The following LIN52 variants were observed in gnomAD, a reference collection of about 807,000 sequenced individuals.
The protein encoded by LIN52 is protein lin-52 homolog.
A neutral mutation model predicts 18.5 loss-of-function variants in LIN52; 4 were observed. That is an observed-to-expected ratio of 0.22 (90% confidence interval 0.11 to 0.49). The LOEUF (loss-of-function observed/expected upper bound fraction) is 0.49. LIN52 is among the 20% of genes least tolerant of loss of function. LIN52 has a pLI of 0.97. For synonymous variants in LIN52, 34 were observed against 45.5 expected, an observed-to-expected ratio of 0.75 and a Z score of 1.02; for missense variants, 102 against 139.5, an observed-to-expected ratio of 0.73 and a Z score of 1.35.
intron 5 of LIN52, among the ~76,000 whole-genome samples, chr14:74,169,453 C>T (rs2061262197): frequency 1.3e-5 from 2 of 152,136 alleles, no homozygotes; most frequent in Admixed American, 1.3e-4. Context: ...GTTTTTTCCC[C>T]TCTCTCCAGC....
chr14:74,149,577 C>T (rs532963006), intron 5 of LIN52, among the ~76,000 whole-genome samples: 7 of 152,054 alleles, frequency 4.6e-5, no homozygotes, highest in East Asian at 1.9e-4. Context: ...ATAGTAATTC[C>T]GATTCAATTC....
chr14:74,154,119 T>C (rs1194661218), intron 5 of LIN52, among the ~76,000 whole-genome samples: 1 of 151,834 alleles, frequency 6.6e-6, no homozygotes, highest in African/African-American at 2.4e-5. Context: ...TTTTCCTTAA[T>C]GTTTTTTTTT....
chr14:74,144,398 A>T (rs1325468444), intron 5 of LIN52, among the ~76,000 whole-genome samples: 1 of 152,026 alleles, frequency 6.6e-6, no homozygotes, highest in Non-Finnish European at 1.5e-5. Flanking sequence ...AAAGGCAGGG[A>T]TTACAGATGT....
At chr14:74,169,953 A>G (rs1385275252) in intron 5 of LIN52, among the ~76,000 whole-genome samples, 1 of 152,182 alleles carries the variant, frequency 6.6e-6, no homozygotes, top group African/African-American at 2.4e-5. Context: ...GAAAAGCTTC[A>G]CAGAAGAGAC....
At chr14:74,109,106 C>T (rs960724176) in intron 5 of LIN52, among the ~76,000 whole-genome samples, 4 of 152,116 alleles carry the variant, frequency 2.6e-5, no homozygotes, top group African/African-American at 4.8e-5. Flanking sequence ...TTAATTCTTT[C>T]GCATGTGGAT....
intron 1 of LIN52, among the ~76,000 whole-genome samples, chr14:74,087,867 A>G (rs1221227638): frequency 2.0e-5 from 3 of 152,314 alleles, no homozygotes; most frequent in South Asian, 4.1e-4. Context: ...AGACTGTGGT[A>G]TCATAAGGTC....
At position 74,198,964 on chromosome 14, in the gene LIN52, A is replaced by G. The variant is rs767095036; in HGVS notation, c.326A>G (p.Lys109Arg). The change falls in exon 6 of 6, where the codon AAG (lysine) becomes AGG (arginine). Residue 109 changes from lysine (K) to arginine (R), a missense_variant. Transcript: ENST00000555028. ...GGGAAATTCCTCAATATTCTAGAGAAGCCCAAGAAGTAGCAGCTGCTTGCG... is the reference window on the plus strand; with the variant it reads ...GGGAAATTCCTCAATATTCTAGAGAGGCCCAAGAAGTAGCAGCTGCTTGCG... The part of the protein sequence containing the change: ...TRGKFLNILE[K>R]PKK 6.2e-7 allele frequency: 1 copy of G among 1,612,926 alleles called. No individual in the cohort carries two copies. Among genetic ancestry groups the G allele is most frequent in the East Asian group, 2.2e-5 (1 of 44,882 alleles).
chr14:74,187,056 G>GTACTCCAGTCC (rs1300820973), intron 5 of LIN52, among the ~76,000 whole-genome samples: 8 of 152,148 alleles, frequency 5.3e-5, no homozygotes, highest in Non-Finnish European at 1.2e-4. Context: ...CAGCCTGGGT[G>GTACTCCAGTCC]ACGGGGTGAG....
intron 5 of LIN52, among the ~76,000 whole-genome samples, chr14:74,164,861 T>G (rs889092418): frequency 1.3e-5 from 2 of 152,104 alleles, no homozygotes; most frequent in African/African-American, 4.8e-5. Context: ...AAATTACCAA[T>G]GTTTGAGAAA....
At chr14:74,101,597 T>G (rs2060856470) in intron 5 of LIN52, among the ~76,000 whole-genome samples, 1 of 151,222 alleles carries the variant, frequency 6.6e-6, no homozygotes, top group South Asian at 2.1e-4. Flanking sequence ...TAGCTGGGAC[T>G]ACAGGCGCCC....
At chr14:74,106,446 A>G (rs1185634556) in intron 5 of LIN52, among the ~76,000 whole-genome samples, 28 of 151,846 alleles carry the variant, frequency 1.8e-4, no homozygotes, top group Admixed American at 1.6e-3. Flanking sequence ...AATTTTTTTG[A>G]TATTTTGTAG....
intron 5 of LIN52, among the ~76,000 whole-genome samples, chr14:74,118,314 T>G (rs1431694689): frequency 6.6e-6 from 1 of 152,156 alleles, no homozygotes; most frequent in Non-Finnish European, 1.5e-5. Context: ...TCAATCTGAT[T>G]CAGAATATAA....
intron 4 of LIN52, 140 bp downstream of exon 4, chr14:74,098,000 T>C: frequency 1.6e-6 from 1 of 625,774 alleles, no homozygotes; most frequent in Non-Finnish European, 2.8e-6. Flanking sequence ...TAGTTTTTCA[T>C]GTCTGCAATG....
chr14:74,132,508 TG>T, intron 5 of LIN52, among the ~76,000 whole-genome samples: 1 of 152,286 alleles, frequency 6.6e-6, no homozygotes, highest in African/African-American at 2.4e-5. Flanking sequence ...AAATTTTTTT[TG>T]TTTGGTTGGT....
intron 5 of LIN52, among the ~76,000 whole-genome samples, chr14:74,115,599 T>A (rs1023244443): frequency 4.6e-5 from 7 of 152,222 alleles, no homozygotes; most frequent in Middle Eastern, 3.2e-3. Context: ...CAGCATAAAA[T>A]CTAGGAACTC....
intron 1 of LIN52, among the ~76,000 whole-genome samples, chr14:74,087,715 T>C (rs1407393882): frequency 6.6e-6 from 1 of 152,202 alleles, no homozygotes; most frequent in Non-Finnish European, 1.5e-5. Flanking sequence ...TATTTTAATA[T>C]GTTTGTCATT....
At chr14:74,113,791 A>C (rs943835380) in intron 5 of LIN52, among the ~76,000 whole-genome samples, 2 of 151,940 alleles carry the variant, frequency 1.3e-5, no homozygotes, top group Non-Finnish European at 2.9e-5. Flanking sequence ...AGAAGAAAGT[A>C]AAAAAAAGAA....
At chr14:74,097,714 C>A in intron 3 of LIN52, 80 bp from the exon 4 acceptor site, 1 of 1,082,296 alleles carries the variant, frequency 9.2e-7, no homozygotes, top group Non-Finnish European at 1.4e-6. Context: ...CGCATCCGGC[C>A]CAGGCTACAC....
intron 5 of LIN52, among the ~76,000 whole-genome samples, chr14:74,155,058 A>ATG (rs1167083574): frequency 6.6e-6 from 1 of 152,252 alleles, no homozygotes; most frequent in Non-Finnish European, 1.5e-5. Flanking sequence ...TCCAAGGATT[A>ATG]TGTGGACCCA....
Sources: allele counts gnomAD v4.1 joint callset (sites outside exome capture counted in the v4.1 genomes callset), GRCh38; gene constraint gnomAD v4.1.1; transcripts MANE v1.5; gene names NCBI Gene and HGNC (gene_info 2026-07-23, HGNC 2026-07-21).